The following PEDS1 variants were observed in gnomAD, a reference collection of about 807,000 sequenced individuals.
The protein encoded by PEDS1 is plasmanylethanolamine desaturase 1, also known as CarF homolog.
Under a neutral mutation model 35.2 loss-of-function variants are expected in PEDS1, and 14 were observed. The ratio of observed to expected loss-of-function variants is 0.40; its 90% CI spans 0.26 to 0.62. The LOEUF is 0.62. Ranked by LOEUF, PEDS1 falls within the 20% of genes least tolerant of loss-of-function variation. PEDS1 has a pLI of 0.44. For synonymous variants in PEDS1, 152 were observed against 152.0 expected, an observed-to-expected ratio of 1.00 and a Z score of 0.00; for missense variants, 260 against 367.8, an observed-to-expected ratio of 0.71 and a Z score of 2.40.
Position 50,129,899 on chromosome 20 carries a change from G to A in PEDS1, c.334-209C>T, listed in dbSNP as rs950698007. Among the ~76,000 whole-genome samples the A allele has an allele frequency of 2.6e-5, 4 of 152,178 alleles. No homozygotes were observed. Among genetic ancestry groups the A allele is most frequent in the Admixed American group, 6.5e-5 (1 of 15,278 alleles). On this transcript the variant is annotated intron_variant, in intron 3 of 5. Coordinates refer to ENST00000371652, the MANE Select transcript of PEDS1 (RefSeq NM_199129.4). The surrounding 1 kb of genome is among the most constrained non-coding windows in gnomAD (Gnocchi z 4.2). The stretch of plus-strand genomic sequence containing the variant: ...GAGATGAGCCGAAATGACCCTGGAA[G>A]GGCTTTGGGTTGGCACTGTCTGCCT...
At chr20:50,132,386 C>T (rs1334341094) in intron 2 of PEDS1, among the ~76,000 whole-genome samples, 1 of 152,230 alleles carries the variant, frequency 6.6e-6, no homozygotes, top group East Asian at 1.9e-4. Context: ...CCTCCCATCA[C>T]TCTCCTCTTT....
chr20:50,137,695 A>G (rs1193609250), intron 2 of PEDS1, among the ~76,000 whole-genome samples: 4 of 152,170 alleles, frequency 2.6e-5, no homozygotes, highest in Non-Finnish European at 5.9e-5. Flanking sequence ...ACATGGTGAA[A>G]TTCCATCTCT....
At chr20:50,150,911 G>C (rs1375846765) in intron 1 of PEDS1, among the ~76,000 whole-genome samples, 1 of 152,094 alleles carries the variant, frequency 6.6e-6, no homozygotes, top group Non-Finnish European at 1.5e-5. Context: ...GGCCAGGCTG[G>C]TCTCGAACTC....
At position 50,142,684 on chromosome 20, in the gene PEDS1, C is replaced by G. The variant is rs955703692; in HGVS notation, c.241+818G>C. 1.2e-4 allele frequency among the ~76,000 whole-genome samples: 8 copies of G among 66,976 alleles called. No individual in the cohort carries two copies. In the South Asian group the frequency reaches 4.4e-3, roughly 37 times the overall value. The allele number at this position is 66,976 out of a possible 152,430, so 43.9% of individuals were successfully genotyped here. A position where few individuals can be genotyped will look rare whatever the true frequency, so the allele number is the denominator to read the frequency against. ...GAACTCCTGACCTCAAGTCATCCGC[C>G]CCCCCCCCCCCGCCCCAACGGCCTC... On this transcript the variant is annotated intron_variant, in intron 2 of 5. Coordinates refer to ENST00000371652, the MANE Select transcript of PEDS1 (RefSeq NM_199129.4).
chr20:50,124,343 T>C lies in PEDS1; in HGVS notation c.*715A>G, dbSNP rs980045544. On this transcript the variant is annotated 3_prime_UTR_variant, in exon 6 of 6. Transcript: ENST00000371652. The stretch of plus-strand genomic sequence containing the variant: ...AAGCCCTACTCTTCCTTCTCTGACA[T>C]ACTCTGGCCAGAGGGGATACCGTGT... The C allele has an allele frequency of 6.6e-6, 1 of 152,594 alleles. No individual in the cohort carries two copies. The highest frequency in any genetic ancestry group is 1.5e-5 in the Non-Finnish European group (1 of 68,052). 9.5% of individuals were successfully genotyped at this position (152,594 alleles called of 1,614,324 possible). A position where few individuals can be genotyped will look rare whatever the true frequency, so the allele number is the denominator to read the frequency against.
In PEDS1 at chr20:50,124,767, C is replaced by T. The variant is rs890373250; in HGVS notation, c.*291G>A. On this transcript the variant is annotated 3_prime_UTR_variant, in exon 6 of 6. Coordinates refer to ENST00000371652, the MANE Select transcript of PEDS1 (RefSeq NM_199129.4). ...TGCCCAGCGGGGCAGGGACGGCAGG[C>T]GTGCAGGGAGTGGGTAAACCTCCTC... 6.5e-5 allele frequency: 21 copies of T among 324,548 alleles called. No homozygotes were observed. Among genetic ancestry groups the T allele is most frequent in the Admixed American group, 1.3e-4 (3 of 23,698 alleles). The allele number at this position is 324,548 out of a possible 1,614,324, so 20.1% of individuals were successfully genotyped here.
chr20:50,124,588 CACCT>C lies in PEDS1; in HGVS notation c.*466_*469del, dbSNP rs1458198937. On this transcript the variant is annotated 3_prime_UTR_variant, in exon 6 of 6. Transcript: ENST00000371652. Reference sequence around the variant, plus strand: ...GCTGAAGGTGGTGGCTGGGGCTGTCCACCTGCCCAGCCTCCCGGGGTCAGTATGC... The same window carrying C: ...GCTGAAGGTGGTGGCTGGGGCTGTCCGCCCAGCCTCCCGGGGTCAGTATGC... 1 of 157,214 alleles carries C rather than the reference CACCT, an allele frequency of 6.4e-6. No homozygotes were observed. The highest frequency in any genetic ancestry group is 1.4e-5 in the Non-Finnish European group (1 of 70,768). 9.7% of individuals were successfully genotyped at this position (157,214 alleles called of 1,614,324 possible). A position where few individuals can be genotyped will look rare whatever the true frequency, so the allele number is the denominator to read the frequency against.
intron 1 of PEDS1, among the ~76,000 whole-genome samples, chr20:50,147,314 C>T (rs1460598833): frequency 1.3e-5 from 2 of 152,200 alleles, no homozygotes; most frequent in African/African-American, 4.8e-5. Context: ...CCACCCTAGG[C>T]CTAAACAATA....
intron 2 of PEDS1, among the ~76,000 whole-genome samples, chr20:50,131,397 G>A (rs867303733): frequency 3.9e-5 from 6 of 152,110 alleles, no homozygotes; most frequent in East Asian, 1.9e-4. Context: ...TGAGGCAGGC[G>A]GATCACTTGA....
At chr20:50,144,982 C>A (rs1281537857) in intron 1 of PEDS1, among the ~76,000 whole-genome samples, 1 of 152,054 alleles carries the variant, frequency 6.6e-6, no homozygotes, top group Non-Finnish European at 1.5e-5. Flanking sequence ...GCAGGAGGAT[C>A]ATTTGAGACT....
chr20:50,125,322 TG>T (rs915447096), intron 5 of PEDS1, 143 bp from the exon 6 acceptor site: 15 of 1,152,812 alleles, frequency 1.3e-5, no homozygotes, highest in East Asian at 2.5e-5. Flanking sequence ...GCCAAGGAAC[TG>T]GAAGTGGGGG....
Position 50,129,633 on chromosome 20 carries a change from C to G in PEDS1, c.391G>C (p.Asp131His), listed in dbSNP as rs1386952204. 1 of 1,613,924 alleles carries G rather than the reference C, an allele frequency of 6.2e-7. No homozygotes were observed. The highest frequency in any genetic ancestry group is 8.5e-7 in the Non-Finnish European group (1 of 1,180,022). ...HIDPTAITRH[D>H]FIETNGDNCL... ...TTGTCCCCGTTGGTCTCGATGAAGT[C>G]GTGCCGTGTGATAGCTGTCGGGTCA... The change falls in exon 4 of 6, where the codon GAC becomes CAC. Residue 131 changes from aspartate to histidine, a missense_variant. By Grantham distance (81) the Asp-to-His change is moderately conservative. Around this residue, in one of 4 missense-constraint regions of PEDS1, gnomAD observed 34 missense variants for 81.9 expected, o/e 0.41. Coordinates refer to ENST00000371652, the MANE Select transcript of PEDS1 (RefSeq NM_199129.4). The surrounding 1 kb of genome is among the most constrained non-coding windows in gnomAD (Gnocchi z 4.2).
chr20:50,124,888 T>G lies in PEDS1; in HGVS notation c.*170A>C. The G allele has an allele frequency of 1.2e-5, 9 of 743,172 alleles. No individual in the cohort carries two copies. Among genetic ancestry groups the G allele is most frequent in the South Asian group, 2.2e-5 (1 of 44,570 alleles). 46.0% of individuals were successfully genotyped at this position (743,172 alleles called of 1,614,324 possible). A position where few individuals can be genotyped will look rare whatever the true frequency, so the allele number is the denominator to read the frequency against. ...AAAAAAAAAAAAAAGAAATGAAAAA[T>G]CAGTGGCTCAAGTATTCTGTGTCAT... On this transcript the variant is annotated 3_prime_UTR_variant, in exon 6 of 6. Coordinates refer to ENST00000371652, the MANE Select transcript of PEDS1 (RefSeq NM_199129.4).
intron 2 of PEDS1, among the ~76,000 whole-genome samples, chr20:50,138,421 A>T (rs2081257927): frequency 6.6e-6 from 1 of 152,194 alleles, no homozygotes. Context: ...TACCTCCCTT[A>T]ACTATGAGAA....
Position 50,118,610 on chromosome 20 carries a change from G to A in PEDS1, c.*6448C>T, listed in dbSNP as rs928688321. ...GTATTTCAGTGATTTGAAGCTATAC[G>A]TTTTTACTTTTTTTTTGTTTTTTTT... On this transcript the variant is annotated 3_prime_UTR_variant, in exon 6 of 6. Transcript: ENST00000371652. 4 of 151,804 alleles carry A rather than the reference G, an allele frequency of 2.6e-5. No individual in the cohort carries two copies. The highest frequency in any genetic ancestry group is 7.3e-5 in the African/African-American group (3 of 41,336). 9.4% of individuals were successfully genotyped at this position (151,804 alleles called of 1,614,324 possible). A position where few individuals can be genotyped will look rare whatever the true frequency, so the allele number is the denominator to read the frequency against.
Position 50,121,907 on chromosome 20 carries a change from C to T in PEDS1, c.*3151G>A, listed in dbSNP as rs973227308. 6.6e-5 allele frequency: 10 copies of T among 152,352 alleles called. No individual in the cohort carries two copies. The highest frequency in any genetic ancestry group is 2.4e-4 in the African/African-American group (10 of 41,564). 9.4% of individuals were successfully genotyped at this position (152,352 alleles called of 1,614,324 possible). On this transcript the variant is annotated 3_prime_UTR_variant, in exon 6 of 6. Transcript: ENST00000371652. ...GAATTTAGCTGCCTGTCCCATCCACCATTGACTTCTTTTTGTAGTAATGCC... is the reference window on the plus strand; with the variant it reads ...GAATTTAGCTGCCTGTCCCATCCACTATTGACTTCTTTTTGTAGTAATGCC...
chr20:50,139,821 T>C (rs1272790709), intron 2 of PEDS1, among the ~76,000 whole-genome samples: 1 of 151,978 alleles, frequency 6.6e-6, no homozygotes, highest in Non-Finnish European at 1.5e-5. Flanking sequence ...GCTGGGATTA[T>C]AGGCGCCTAC....
At chr20:50,144,094 G>A (rs73913828) in intron 1 of PEDS1, among the ~76,000 whole-genome samples, 1,912 of 152,138 alleles carry the variant, frequency 0.013, 43 homozygotes, top group African/African-American at 0.044. Flanking sequence ...CACAGATGAC[G>A]TCACTGAGGC....
chr20:50,151,125 C>T, intron 1 of PEDS1: 1 of 713,748 alleles, frequency 1.4e-6, no homozygotes, highest in Non-Finnish European at 2.1e-6. Flanking sequence ...CAAATACTTC[C>T]CCAAGATCAC....
Sources: gnomAD v4.1 joint callset for allele counts (sites outside exome capture counted in the v4.1 genomes callset) on GRCh38, gnomAD v4.1.1 for gene constraint, gnomAD v4.1.1 regional missense constraint, Gnocchi (gnomAD v3.1) non-coding constraint, MANE v1.5 for transcripts, NCBI Gene and HGNC (gene_info 2026-07-23, HGNC 2026-07-21) for gene names.